The following TCF7 variants were observed in gnomAD, a reference collection of about 807,000 sequenced individuals.
TCF7 encodes transcription factor 7.
TCF7 carries 19 observed loss-of-function variants against 46.8 expected under a neutral mutation model. That is an observed-to-expected ratio of 0.41 (90% CI 0.28 to 0.60). The LOEUF (loss-of-function observed/expected upper bound fraction) is 0.60, where lower values mean the gene tolerates loss of function less well. Ranked by LOEUF, TCF7 falls within the 20% of genes least tolerant of loss-of-function variation. TCF7 has a pLI of 0.35. For synonymous variants in TCF7, 245 were observed against 213.4 expected (o/e 1.15, Z -1.29); for missense variants, 547 against 504.6 (o/e 1.08, Z -0.81).
In TCF7 at chr5:134,114,825, C is replaced by T. The variant is rs1755569743; in HGVS notation, c.-82C>T. 3.1e-6 allele frequency: 3 copies of T among 979,818 alleles called. No homozygotes were observed. Among genetic ancestry groups the T allele is most frequent in the Non-Finnish European group, 3.6e-6 (3 of 827,296 alleles). The allele number at this position is 979,818 out of a possible 1,614,324, so 60.7% of individuals were successfully genotyped here. A position where few individuals can be genotyped will look rare whatever the true frequency, so the allele number is the denominator to read the frequency against. ...GATCCGAGCTCGGAGGTTCGGACTC[C>T]GGGCTCGCCGCCCCCCGGGCCGGCT... On this transcript the variant is annotated 5_prime_UTR_variant, in exon 1 of 10. Transcript: ENST00000342854.
chr5:134,129,489 C>T (rs1757809642), intron 3 of TCF7, among the ~76,000 whole-genome samples: 1 of 152,168 alleles, frequency 6.6e-6, no homozygotes, highest in Non-Finnish European at 1.5e-5. Flanking sequence ...CTGGGGGTTG[C>T]CCAGTCTCAG....
intron 3 of TCF7, among the ~76,000 whole-genome samples, chr5:134,133,442 C>T (rs968341661): frequency 1.3e-5 from 2 of 152,128 alleles, no homozygotes; most frequent in African/African-American, 4.8e-5. Flanking sequence ...CTTCAGTCAC[C>T]AGGCTCCCCA....
intron 3 of TCF7, among the ~76,000 whole-genome samples, chr5:134,116,911 G>T (rs749633603): frequency 6.6e-5 from 10 of 152,338 alleles, no homozygotes; most frequent in Non-Finnish European, 1.0e-4. Flanking sequence ...GTGAGTGTTG[G>T]GTGTGAATGT....
At chr5:134,145,589 A>G (rs927753739) in intron 9 of TCF7, 29 of 778,974 alleles carry the variant, frequency 3.7e-5, no homozygotes, top group Non-Finnish European at 5.8e-5. Flanking sequence ...CACTGGCTCT[A>G]AGGAACACTT....
At chr5:134,123,481 G>A (rs1203299352) in intron 3 of TCF7, 1 of 338,028 alleles carries the variant, frequency 3.0e-6, no homozygotes, top group Non-Finnish European at 5.9e-6. Flanking sequence ...AGGAGGGAGA[G>A]GCCAGTGGGG....
rs148222956 is a variant in TCF7, at chr5:134,138,226, TTC to T, written c.547+64_547+65del. ...AGAGCCTAAGGGCCAAGACCCCAGC[TTC>T]TGAGACCAGGTAGCTGGGTCCATTT... On this transcript the variant is annotated intron_variant, in intron 4 of 9. Transcript: ENST00000342854. The T allele has an allele frequency of 0.012, 17,338 of 1,478,122 alleles. 941 individuals are homozygous for T. In the African/African-American group the frequency reaches 0.16, roughly 13 times the overall value. 91.6% of individuals were successfully genotyped at this position (1,478,122 alleles called of 1,614,324 possible). A position where few individuals can be genotyped will look rare whatever the true frequency, so the allele number is the denominator to read the frequency against.
chr5:134,130,086 G>C (rs970528097), intron 3 of TCF7, among the ~76,000 whole-genome samples: 8 of 152,246 alleles, frequency 5.3e-5, no homozygotes, highest in African/African-American at 1.9e-4. Flanking sequence ...CCGTGTCCTG[G>C]GCAGTGGTGC....
intron 3 of TCF7, among the ~76,000 whole-genome samples, chr5:134,126,079 C>T (rs1757308966): frequency 6.6e-6 from 1 of 152,264 alleles, no homozygotes; most frequent in East Asian, 1.9e-4. Context: ...AAGTTTCATT[C>T]AAATCAGATG....
intron 3 of TCF7, among the ~76,000 whole-genome samples, chr5:134,129,855 C>T (rs1388563781): frequency 6.6e-6 from 1 of 152,238 alleles, no homozygotes; most frequent in East Asian, 1.9e-4. Flanking sequence ...GCCACACGCA[C>T]CTAGCAGAGC....
At chr5:134,134,065 A>G (rs955694327) in intron 3 of TCF7, among the ~76,000 whole-genome samples, 28 of 152,156 alleles carry the variant, frequency 1.8e-4, no homozygotes, top group Non-Finnish European at 3.7e-4. Context: ...AGGGCTCTCC[A>G]TGGCTTCCTG....
upstream of TCF7, among the ~76,000 whole-genome samples, chr5:134,111,309 G>A (rs10039757): frequency 0.019 from 2,932 of 152,284 alleles, 99 homozygotes; most frequent in African/African-American, 0.067. Flanking sequence ...GCTCATTTGC[G>A]TGAAGATGAA....
intron 9 of TCF7, chr5:134,145,699 ACCCTGT>A (rs1161850772): frequency 6.2e-7 from 1 of 1,609,442 alleles, no homozygotes; most frequent in Non-Finnish European, 8.5e-7. Flanking sequence ...GTGGGAAACA[ACCCTGT>A]CTTCAGGGGA....
chr5:134,120,901 G>A (rs1019407672), intron 3 of TCF7, among the ~76,000 whole-genome samples: 1 of 152,254 alleles, frequency 6.6e-6, no homozygotes, highest in African/African-American at 2.4e-5. Context: ...TGCCAGGGAG[G>A]GGCCCAGGGA....
chr5:134,133,596 T>G (rs1758454871), intron 3 of TCF7, among the ~76,000 whole-genome samples: 1 of 152,084 alleles, frequency 6.6e-6, no homozygotes, highest in South Asian at 2.1e-4. Flanking sequence ...CGGTTTCCCC[T>G]GGCTCCTACC....
At chr5:134,115,584 A>G in intron 2 of TCF7, 197 bp downstream of exon 2, 4 of 1,439,006 alleles carry the variant, frequency 2.8e-6, no homozygotes, top group Non-Finnish European at 3.7e-6. Flanking sequence ...CCTGACCTTT[A>G]TAGGAGTAAA....
intron 9 of TCF7, chr5:134,144,190 A>C (rs1444424935): frequency 6.2e-6 from 1 of 160,640 alleles, no homozygotes; most frequent in Non-Finnish European, 1.4e-5. Flanking sequence ...CTGGTAACTG[A>C]GACTCCACAT....
At chr5:134,108,745 T>C in the TCF7 span, among the ~76,000 whole-genome samples, 9 of 152,142 alleles carry the variant, frequency 5.9e-5, no homozygotes, top group South Asian at 4.2e-4. Flanking sequence ...AACTGAGACA[T>C]GAAAAGGTGC....
chr5:134,140,372 T>C (rs1361061740), intron 5 of TCF7, among the ~76,000 whole-genome samples: 1 of 152,210 alleles, frequency 6.6e-6, no homozygotes, highest in African/African-American at 2.4e-5. Flanking sequence ...GAGAGGTACC[T>C]CATCCAGCTT....
At chr5:134,139,387 G>T (rs982897073) in intron 5 of TCF7, 4 of 240,978 alleles carry the variant, frequency 1.7e-5, no homozygotes, top group African/African-American at 2.2e-5. Context: ...AGGAAGAAAG[G>T]TGGGCCCGAG....
Sources: allele counts gnomAD v4.1 joint callset (sites outside exome capture counted in the v4.1 genomes callset), GRCh38; gene constraint gnomAD v4.1.1; transcripts MANE v1.5; gene names NCBI Gene and HGNC (gene_info 2026-07-23, HGNC 2026-07-21).